GDA: variants seen among roughly 807,000 people sequenced by gnomAD.
GDA encodes cytoplasmic PSD-95 interactor.
Under a neutral mutation model 59.6 loss-of-function variants are expected in GDA, and 18 were observed. That is an observed-to-expected ratio of 0.30 (90% CI 0.21 to 0.45). GDA has a LOEUF of 0.45. Ranked by LOEUF, GDA falls within the 20% of genes least tolerant of loss-of-function variation. GDA has a pLI of 1.00. For missense variants in GDA, 427 were observed against 552.3 expected (o/e 0.77, Z 2.27); for synonymous variants, 201 against 201.1 (o/e 1.00, Z 0.00).
intron 1 of GDA, among the ~76,000 whole-genome samples, chr9:72,116,385 C>CGT (rs1393853035): frequency 3.6e-5 from 3 of 82,490 alleles, no homozygotes; most frequent in Admixed American, 1.4e-4. Flanking sequence ...GTTTCCCCAG[C>CGT]CTTTTTTTTT....
At chr9:72,179,977 G>C (rs549525592) in intron 1 of GDA, among the ~76,000 whole-genome samples, 9 of 98,166 alleles carry the variant, frequency 9.2e-5, no homozygotes, top group African/African-American at 4.5e-4. Context: ...AATTACTGGC[G>C]GGGGGGGTTA....
At chr9:72,204,445 C>T (rs1331004061) in intron 3 of GDA, among the ~76,000 whole-genome samples, 1 of 152,134 alleles carries the variant, frequency 6.6e-6, no homozygotes, top group Non-Finnish European at 1.5e-5. Flanking sequence ...AAAACAATGT[C>T]TACTGTGGGG....
chr9:72,203,753 A>AT (rs1834307173), intron 3 of GDA, among the ~76,000 whole-genome samples: 2 of 151,782 alleles, frequency 1.3e-5, no homozygotes, highest in South Asian at 4.2e-4. Flanking sequence ...TGACCTAACC[A>AT]TCTTGCCAGT....
At chr9:72,244,966 C>A (rs1454447527) in intron 11 of GDA, among the ~76,000 whole-genome samples, 182 bp from the exon 12 acceptor site, 1 of 152,140 alleles carries the variant, frequency 6.6e-6, no homozygotes, top group Non-Finnish European at 1.5e-5. Context: ...GCTTACTCCA[C>A]TTTATGTAAG....
chr9:72,177,803 T>G (rs1014412964), intron 1 of GDA, among the ~76,000 whole-genome samples: 15 of 152,256 alleles, frequency 9.9e-5, no homozygotes, highest in South Asian at 4.1e-4. Context: ...TATCATTTCC[T>G]TGGAGATACC....
intron 7 of GDA, 147 bp from the exon 8 acceptor site, chr9:72,225,530 C>A (rs2131600892): frequency 1.8e-6 from 1 of 569,630 alleles, no homozygotes. Flanking sequence ...TTGTTTCTAA[C>A]AAAATGCATG....
chr9:72,117,333 A>AT (rs77464242), intron 1 of GDA, among the ~76,000 whole-genome samples: 3 of 152,068 alleles, frequency 2.0e-5, no homozygotes, highest in Non-Finnish European at 4.4e-5. Context: ...TCAACCTTTG[A>AT]TTTTTTTCCT....
chr9:72,250,299 CT>C lies in GDA; in HGVS notation c.*1960del. The C allele has an allele frequency of 9.8e-7, 1 of 1,023,712 alleles. No individual in the cohort carries two copies. The highest frequency in any genetic ancestry group is 1.2e-6 in the Non-Finnish European group (1 of 854,762). 63.4% of individuals were successfully genotyped at this position (1,023,712 alleles called of 1,614,324 possible). A position where few individuals can be genotyped will look rare whatever the true frequency, so the allele number is the denominator to read the frequency against. ...TTGCAAGATCCTACACTTTTACCTTCTTTAAGGGTGTACATTTTGATGTTGA... is the reference window on the plus strand; with the variant it reads ...TTGCAAGATCCTACACTTTTACCTTCTTAAGGGTGTACATTTTGATGTTGA... On this transcript the variant is annotated 3_prime_UTR_variant, in exon 14 of 14. Transcript: ENST00000358399.
chr9:72,210,889 G>A, intron 4 of GDA, 115 bp downstream of exon 4: 1 of 667,964 alleles, frequency 1.5e-6, no homozygotes, highest in Non-Finnish European at 2.7e-6. Flanking sequence ...TAGAACATGA[G>A]CATTACATTT....
chr9:72,155,567 T>C (rs974095014), intron 1 of GDA, among the ~76,000 whole-genome samples: 2 of 152,074 alleles, frequency 1.3e-5, no homozygotes, highest in Non-Finnish European at 2.9e-5. Flanking sequence ...GTCCAAAGGT[T>C]GAGGAGAAGG....
intron 8 of GDA, among the ~76,000 whole-genome samples, chr9:72,226,512 A>G (rs1185365833): frequency 1.3e-5 from 2 of 152,228 alleles, no homozygotes; most frequent in African/African-American, 4.8e-5. Flanking sequence ...ATGAGTATGC[A>G]TTACTCCTAT....
At chr9:72,167,028 T>TTTG (rs1405364825) in intron 1 of GDA, among the ~76,000 whole-genome samples, 5 of 152,172 alleles carry the variant, frequency 3.3e-5, no homozygotes, top group Non-Finnish European at 5.9e-5. Flanking sequence ...TAGACAGGTT[T>TTTG]TTGTTGTTGT....
chr9:72,182,124 C>G (rs1279668778), intron 1 of GDA, among the ~76,000 whole-genome samples: 1 of 152,002 alleles, frequency 6.6e-6, no homozygotes, highest in African/African-American at 2.4e-5. Context: ...AAGGACACTG[C>G]CTTACATAAT....
At chr9:72,236,630 T>C (rs1839022967) in intron 10 of GDA, among the ~76,000 whole-genome samples, 1 of 152,206 alleles carries the variant, frequency 6.6e-6, no homozygotes, top group South Asian at 2.1e-4. Context: ...TTCTGTATTC[T>C]TTCCCTCTCC....
chr9:72,225,918 G>A lies in GDA; in HGVS notation c.822+134G>A, dbSNP rs562895826. On this transcript the variant is annotated intron_variant, in intron 8 of 13. Transcript: ENST00000358399. ...AATTTTTTTTAAAGTTTTAATTTTTGTGGGTACACAGAAAGTTTATATATC... is the reference window on the plus strand; with the variant it reads ...AATTTTTTTTAAAGTTTTAATTTTTATGGGTACACAGAAAGTTTATATATC... 41 of 537,848 alleles carry A rather than the reference G, an allele frequency of 7.6e-5. No individual in the cohort carries two copies. The South Asian group carries it at 1.1e-3, about 15-fold the overall frequency. The allele number at this position is 537,848 out of a possible 1,614,324, so 33.3% of individuals were successfully genotyped here.
intron 1 of GDA, among the ~76,000 whole-genome samples, chr9:72,174,124 C>A (rs1294103831): frequency 6.6e-6 from 1 of 152,180 alleles, no homozygotes; most frequent in Non-Finnish European, 1.5e-5. Flanking sequence ...CTTCAAGGTT[C>A]TCTGGAGTTC....
chr9:72,191,382 G>A (rs768475975), intron 1 of GDA, among the ~76,000 whole-genome samples: 4 of 152,044 alleles, frequency 2.6e-5, no homozygotes, highest in Non-Finnish European at 5.9e-5. Flanking sequence ...TGAAATAATA[G>A]ATAGTGAAAT....
At chr9:72,156,275 GAA>G (rs1305742080) in intron 1 of GDA, among the ~76,000 whole-genome samples, 1 of 152,198 alleles carries the variant, frequency 6.6e-6, no homozygotes, top group Non-Finnish European at 1.5e-5. Context: ...TAGCCCTGGT[GAA>G]AAGAGTGACC....
chr9:72,188,983 A>G (rs1832190311), intron 1 of GDA, among the ~76,000 whole-genome samples: 1 of 151,406 alleles, frequency 6.6e-6, no homozygotes. Context: ...GGAGTCTGTT[A>G]CTCTTCTCTT....
Sources: gnomAD v4.1 joint callset for allele counts (sites outside exome capture counted in the v4.1 genomes callset) on GRCh38, gnomAD v4.1.1 for gene constraint, MANE v1.5 for transcripts, NCBI Gene and HGNC (gene_info 2026-07-23, HGNC 2026-07-21) for gene names.